The following PPARGC1A variants were observed in gnomAD, a reference collection of about 807,000 sequenced individuals.
The protein encoded by PPARGC1A is peroxisome proliferator-activated receptor gamma coactivator 1-alpha.
A neutral mutation model predicts 88.7 loss-of-function variants in PPARGC1A; 25 were observed. The observed-to-expected ratio is 0.28, with a 90% CI of 0.21 to 0.39. PPARGC1A has a LOEUF of 0.39. Ranked by LOEUF, PPARGC1A falls within the 10% of genes least tolerant of loss-of-function variation. PPARGC1A has a pLI of 1.00. For synonymous variants in PPARGC1A, 363 were observed against 355.6 expected, an observed-to-expected ratio of 1.02 and a Z score of -0.24; for missense variants, 880 against 968.7, an observed-to-expected ratio of 0.91 and a Z score of 1.22.
the PPARGC1A span, among the ~76,000 whole-genome samples, chr4:24,226,026 A>T: frequency 6.6e-6 from 1 of 152,180 alleles, no homozygotes; most frequent in Non-Finnish European, 1.5e-5. Context: ...AAAGGATGAG[A>T]GGGAGGCAAG....
At chr4:24,217,620 T>C in the PPARGC1A span, among the ~76,000 whole-genome samples, 3 of 152,022 alleles carry the variant, frequency 2.0e-5, no homozygotes, top group Non-Finnish European at 2.9e-5. Context: ...CTGGTCAACA[T>C]GGTGAAACCT....
the PPARGC1A span, among the ~76,000 whole-genome samples, chr4:24,223,893 G>A: frequency 1.3e-5 from 2 of 152,172 alleles, no homozygotes; most frequent in Non-Finnish European, 2.9e-5. Flanking sequence ...ATGTTACTAT[G>A]ATATTACACA....
At chr4:24,189,512 A>G in the PPARGC1A span, among the ~76,000 whole-genome samples, 1 of 152,084 alleles carries the variant, frequency 6.6e-6, no homozygotes, top group Non-Finnish European at 1.5e-5. Context: ...GCACTTGGCA[A>G]TTGTCCTCTT....
At chr4:24,281,434 A>T in the PPARGC1A span, among the ~76,000 whole-genome samples, 1 of 152,138 alleles carries the variant, frequency 6.6e-6, no homozygotes, top group Non-Finnish European at 1.5e-5. Flanking sequence ...TCACAGAGAG[A>T]AGAGTGAGGT....
chr4:24,470,167 A>G, the PPARGC1A span, among the ~76,000 whole-genome samples: 2 of 151,868 alleles, frequency 1.3e-5, no homozygotes, highest in Non-Finnish European at 2.9e-5. The surrounding 1 kb of genome is among the most constrained non-coding windows in gnomAD (Gnocchi z 5.8). Context: ...GCTGCCGAGG[A>G]TGCCCGAATG....
At chr4:24,226,237 T>G in the PPARGC1A span, among the ~76,000 whole-genome samples, 11 of 152,154 alleles carry the variant, frequency 7.2e-5, no homozygotes, top group Admixed American at 2.0e-4. Flanking sequence ...GGCCGGGCTG[T>G]GGGATCACAG....
intron 7 of PPARGC1A, among the ~76,000 whole-genome samples, chr4:23,818,563 C>T (rs928019823): frequency 6.6e-6 from 1 of 151,982 alleles, no homozygotes; most frequent in Non-Finnish European, 1.5e-5. Context: ...TTGAAATGTG[C>T]TCCATAATAA....
chr4:24,153,182 C>T, the PPARGC1A span, among the ~76,000 whole-genome samples: 1 of 152,132 alleles, frequency 6.6e-6, no homozygotes, highest in Non-Finnish European at 1.5e-5. Context: ...TGTACAATTG[C>T]TCTGTTTATA....
chr4:23,910,527 G>A, the PPARGC1A span, among the ~76,000 whole-genome samples: 33 of 144,382 alleles, frequency 2.3e-4, no homozygotes, highest in South Asian at 1.9e-3. Context: ...TGCCACCTCC[G>A]CCTCCCGAGT....
At chr4:24,183,250 A>G in the PPARGC1A span, among the ~76,000 whole-genome samples, 1 of 152,188 alleles carries the variant, frequency 6.6e-6, no homozygotes, top group African/African-American at 2.4e-5. Flanking sequence ...CCCTATATAT[A>G]TCTTCATCCC....
chr4:24,295,749 A>G, the PPARGC1A span, among the ~76,000 whole-genome samples: 1 of 150,258 alleles, frequency 6.7e-6, no homozygotes, highest in African/African-American at 2.4e-5. Context: ...TATATTATAT[A>G]TGTATTTATA....
At chr4:23,949,940 A>G in the PPARGC1A span, among the ~76,000 whole-genome samples, 1 of 152,158 alleles carries the variant, frequency 6.6e-6, no homozygotes, top group Non-Finnish European at 1.5e-5. Flanking sequence ...AAAGCCTATT[A>G]TTCAAATTAA....
chr4:23,876,910 T>C (rs1458160083), intron 2 of PPARGC1A, among the ~76,000 whole-genome samples: 1 of 152,128 alleles, frequency 6.6e-6, no homozygotes, highest in African/African-American at 2.4e-5. Context: ...CTGCAAACCT[T>C]GAATGAATAA....
chr4:24,227,529 A>G, the PPARGC1A span, among the ~76,000 whole-genome samples: 1 of 152,238 alleles, frequency 6.6e-6, no homozygotes, highest in Non-Finnish European at 1.5e-5. Context: ...GAAATTAAAT[A>G]AACAAATAAA....
chr4:24,233,804 A>G, the PPARGC1A span, among the ~76,000 whole-genome samples: 1 of 152,176 alleles, frequency 6.6e-6, no homozygotes, highest in African/African-American at 2.4e-5. Flanking sequence ...CCAAAAAGTT[A>G]AAGCGCTTAC....
chr4:24,157,907 T>A, the PPARGC1A span, among the ~76,000 whole-genome samples: 1 of 151,970 alleles, frequency 6.6e-6, no homozygotes, highest in Non-Finnish European at 1.5e-5. Context: ...AAAAGCAAAT[T>A]AGATATCACT....
chr4:24,335,937 G>A, the PPARGC1A span, among the ~76,000 whole-genome samples: 1 of 152,116 alleles, frequency 6.6e-6, no homozygotes, highest in Admixed American at 6.5e-5. Flanking sequence ...TTATTATTCA[G>A]AATAAATACA....
At chr4:24,246,078 AC>A in the PPARGC1A span, among the ~76,000 whole-genome samples, 1 of 152,274 alleles carries the variant, frequency 6.6e-6, no homozygotes, top group African/African-American at 2.4e-5. Context: ...TTTCTGGTAC[AC>A]AAATGGCTAG....
At chr4:24,240,720 A>T in the PPARGC1A span, among the ~76,000 whole-genome samples, 1 of 152,206 alleles carries the variant, frequency 6.6e-6, no homozygotes, top group African/African-American at 2.4e-5. Flanking sequence ...AGTAGTTCAA[A>T]CAGAGGTAGT....
Sources: gnomAD v4.1 joint callset for allele counts (sites outside exome capture counted in the v4.1 genomes callset) on GRCh38, gnomAD v4.1.1 for gene constraint, Gnocchi (gnomAD v3.1) non-coding constraint, MANE v1.5 for transcripts, NCBI Gene and HGNC (gene_info 2026-07-23, HGNC 2026-07-21) for gene names.